The following PCDHA7 variants were observed in gnomAD, a reference collection of about 807,000 sequenced individuals.
PCDHA7 encodes protocadherin alpha 7.
Under a neutral mutation model 57.2 loss-of-function variants are expected in PCDHA7, and 37 were observed. That is an observed-to-expected ratio of 0.65 (90% confidence interval 0.50 to 0.85). The LOEUF (loss-of-function observed/expected upper bound fraction) is 0.85. PCDHA7 is among the 40% of genes least tolerant of loss of function. PCDHA7 has a pLI of 0.00. For missense variants in PCDHA7, 1,188 were observed against 1,241.8 expected (o/e 0.96, Z 0.65); for synonymous variants, 553 against 558.8 (o/e 0.99, Z 0.15).
chr5:140,850,112 C>G, intron 1 of PCDHA7: 1 of 1,596,024 alleles, frequency 6.3e-7, no homozygotes, highest in Non-Finnish European at 8.6e-7. Context: ...GCGCGCGCGA[C>G]GCGGGCGTGC....
chr5:140,879,671 G>T (rs1442617511), intron 1 of PCDHA7, among the ~76,000 whole-genome samples: 3 of 152,210 alleles, frequency 2.0e-5, no homozygotes, highest in Admixed American at 1.3e-4. Context: ...AACACAAACT[G>T]GGTGCTGTAA....
intron 1 of PCDHA7, among the ~76,000 whole-genome samples, chr5:140,890,111 A>G (rs1365246358): frequency 6.6e-6 from 1 of 152,194 alleles, no homozygotes; most frequent in Admixed American, 6.5e-5. Context: ...TCTGGATTCA[A>G]TGATGTCACT....
In PCDHA7 at chr5:141,010,358, C is replaced by G; in HGVS notation, c.*421C>G. 1 of 1,488,620 alleles carries G rather than the reference C, an allele frequency of 6.7e-7. No homozygotes were observed. The highest frequency in any genetic ancestry group is 1.3e-5 in the South Asian group (1 of 76,158). 92.2% of individuals were successfully genotyped at this position (1,488,620 alleles called of 1,614,324 possible). On this transcript the variant is annotated 3_prime_UTR_variant, in exon 4 of 4. Transcript: ENST00000525929. ...GTGGCCACTGGGTATGTGTGGCTAC[C>G]GCGGGTATGCGAGTGCCAGATATTG...
chr5:140,870,970 G>A, intron 1 of PCDHA7: 4 of 1,613,652 alleles, frequency 2.5e-6, no homozygotes, highest in Non-Finnish European at 3.4e-6. Context: ...CCCGTTCCGC[G>A]TGGGGCTGTA....
chr5:140,856,229 C>CG (rs2043871917), intron 1 of PCDHA7: 1 of 1,597,818 alleles, frequency 6.3e-7, no homozygotes, highest in Non-Finnish European at 8.6e-7. Context: ...GCTGGTGCAG[C>CG]GCCTGTTCCG....
At chr5:140,974,264 C>A (rs2096620873) in intron 1 of PCDHA7, among the ~76,000 whole-genome samples, 1 of 152,168 alleles carries the variant, frequency 6.6e-6, no homozygotes, top group African/African-American at 2.4e-5. Flanking sequence ...CCTTTCTGGC[C>A]TTCCAGGGTC....
At chr5:140,954,889 G>C (rs2095106564) in intron 1 of PCDHA7, among the ~76,000 whole-genome samples, 1 of 152,070 alleles carries the variant, frequency 6.6e-6, no homozygotes, top group East Asian at 1.9e-4. Flanking sequence ...TTCTTCTAGG[G>C]TTTTTATAGT....
intron 1 of PCDHA7, among the ~76,000 whole-genome samples, chr5:140,919,536 C>A (rs1554199151): frequency 6.6e-6 from 1 of 151,864 alleles, no homozygotes; most frequent in Admixed American, 6.6e-5. Context: ...TTTTCCTATA[C>A]TTTTCATTTA....
chr5:140,881,659 T>C (rs2058783076), intron 1 of PCDHA7, among the ~76,000 whole-genome samples: 1 of 152,240 alleles, frequency 6.6e-6, no homozygotes, highest in African/African-American at 2.4e-5. Flanking sequence ...CTTCACCGAT[T>C]TTATTCTTAT....
At chr5:140,910,837 A>G (rs1217601068) in intron 1 of PCDHA7, among the ~76,000 whole-genome samples, 1 of 152,188 alleles carries the variant, frequency 6.6e-6, no homozygotes, top group Non-Finnish European at 1.5e-5. Context: ...GCCTGATCCA[A>G]TGCCTTGGAT....
At chr5:140,991,320 A>G (rs1563572656) in intron 3 of PCDHA7, among the ~76,000 whole-genome samples, 1 of 152,216 alleles carries the variant, frequency 6.6e-6, no homozygotes, top group Non-Finnish European at 1.5e-5. Context: ...CGCATGATAC[A>G]TGAAGGGAAT....
rs2150483101 is a variant in PCDHA7, at chr5:140,850,412, A to T, written c.2355+13674A>T. 3.6e-5 allele frequency: 57 copies of T among 1,597,620 alleles called. No homozygotes were observed. The South Asian group carries it at 6.3e-4, about 18-fold the overall frequency. On this transcript the variant is annotated intron_variant, in intron 1 of 3. Transcript: ENST00000525929. ...TCAGCACAACGCGTGCCCTGGACGA[A>T]ACGGACGCACCGCGCCAGCGCCTAC...
intron 1 of PCDHA7, chr5:140,875,828 T>C: frequency 6.2e-7 from 1 of 1,614,196 alleles, no homozygotes; most frequent in African/African-American, 1.3e-5. Flanking sequence ...GTTTTCCATG[T>C]GGACGTGGAG....
chr5:140,861,529 A>G, intron 1 of PCDHA7: 1 of 450,984 alleles, frequency 2.2e-6, no homozygotes, highest in Non-Finnish European at 4.6e-6. Flanking sequence ...AGGATCTCGG[A>G]GTGCAGCATC....
chr5:140,900,630 G>A (rs1355486036), intron 1 of PCDHA7, among the ~76,000 whole-genome samples: 3 of 152,132 alleles, frequency 2.0e-5, no homozygotes, highest in African/African-American at 7.2e-5. Context: ...TCCAAATCTT[G>A]GCTATTGTGA....
chr5:141,011,509 G>C lies in PCDHA7; in HGVS notation c.*1572G>C, dbSNP rs2098420853. ...TTTTGTACACCTGTGAAAAAGTGGA[G>C]TAGTGTTTTTTTAACCATTGTTAAT... is the stretch of plus-strand genomic sequence containing the variant. On this transcript the variant is annotated 3_prime_UTR_variant, in exon 4 of 4. Coordinates refer to ENST00000525929, the MANE Select transcript of PCDHA7 (RefSeq NM_018910.3). The C allele has an allele frequency of 6.5e-6, 1 of 153,760 alleles. No individual in the cohort carries two copies. The highest frequency in any genetic ancestry group is 1.5e-5 in the Non-Finnish European group (1 of 68,040). The allele number at this position is 153,760 out of a possible 1,614,324, so 9.5% of individuals were successfully genotyped here.
intron 1 of PCDHA7, among the ~76,000 whole-genome samples, chr5:140,886,636 G>A (rs555391002): frequency 2.6e-5 from 4 of 151,866 alleles, no homozygotes; most frequent in Non-Finnish European, 4.4e-5. Flanking sequence ...GACCAGCCTG[G>A]CCAACATGGT....
chr5:140,961,366 C>A (rs1384222732), intron 1 of PCDHA7, among the ~76,000 whole-genome samples: 2 of 152,144 alleles, frequency 1.3e-5, no homozygotes, highest in Non-Finnish European at 2.9e-5. Context: ...CATTAGAATT[C>A]TCCTTCTAGT....
At chr5:141,004,255 G>T (rs782648685) in intron 3 of PCDHA7, among the ~76,000 whole-genome samples, 2 of 152,190 alleles carry the variant, frequency 1.3e-5, no homozygotes, top group Non-Finnish European at 2.9e-5. Flanking sequence ...TTGTTTTACT[G>T]GAATGAGTCA....
Sources: gnomAD v4.1 joint callset for allele counts (sites outside exome capture counted in the v4.1 genomes callset) on GRCh38, gnomAD v4.1.1 for gene constraint, MANE v1.5 for transcripts, NCBI Gene and HGNC (gene_info 2026-07-23, HGNC 2026-07-21) for gene names.